ROBO2: variants seen among roughly 807,000 people sequenced by gnomAD.
The protein encoded by ROBO2 is roundabout guidance receptor 2.
Under a neutral mutation model 160.8 loss-of-function variants are expected in ROBO2, and 53 were observed. The observed-to-expected ratio is 0.33, with a 90% confidence interval of 0.26 to 0.41. The LOEUF (loss-of-function observed/expected upper bound fraction) is 0.41, where lower values mean the gene tolerates loss of function less well. Ranked by LOEUF, ROBO2 falls within the 10% of genes least tolerant of loss-of-function variation. The pLI, the probability that ROBO2 is intolerant of heterozygous loss-of-function variation, is 1.00. For missense variants in ROBO2, 1,577 were observed against 1,722.4 expected (o/e 0.92, Z 1.49); for synonymous variants, 664 against 611.7 (o/e 1.09, Z -1.26).
chr3:76,359,212 G>T (rs1193426147), intron 2 of ROBO2, among the ~76,000 whole-genome samples: 6 of 151,818 alleles, frequency 4.0e-5, no homozygotes, highest in Non-Finnish European at 7.4e-5. Context: ...TTGCTATTGT[G>T]AATAGTGCCG....
intron 2 of ROBO2, among the ~76,000 whole-genome samples, chr3:76,405,456 A>T (rs2078073933): frequency 1.3e-5 from 2 of 151,748 alleles, no homozygotes. Flanking sequence ...GACATTGCAG[A>T]AGAAGAGTAG....
intron 2 of ROBO2, among the ~76,000 whole-genome samples, chr3:77,221,343 A>C (rs1354207394): frequency 6.6e-6 from 1 of 152,202 alleles, no homozygotes; most frequent in African/African-American, 2.4e-5. Flanking sequence ...TTTATTTGAT[A>C]ACCTTTTGGT....
intron 2 of ROBO2, among the ~76,000 whole-genome samples, chr3:77,366,065 C>A (rs12491903): frequency 1.3e-5 from 2 of 152,102 alleles, no homozygotes; most frequent in African/African-American, 2.4e-5. Context: ...ATTGTTATAA[C>A]AACTGAAATG....
At chr3:76,790,870 T>C (rs1433359025) in intron 2 of ROBO2, among the ~76,000 whole-genome samples, 1 of 151,734 alleles carries the variant, frequency 6.6e-6, no homozygotes, top group South Asian at 2.1e-4. Flanking sequence ...TTCAGCCCTA[T>C]CACTTACTAC....
intron 2 of ROBO2, among the ~76,000 whole-genome samples, chr3:77,315,766 A>C (rs995087487): frequency 6.6e-6 from 1 of 152,224 alleles, no homozygotes; most frequent in African/African-American, 2.4e-5. Flanking sequence ...GACATTCAAC[A>C]AAGAAAGCTG....
chr3:76,304,023 T>C (rs2071201584), intron 2 of ROBO2, among the ~76,000 whole-genome samples: 1 of 152,190 alleles, frequency 6.6e-6, no homozygotes, highest in Non-Finnish European at 1.5e-5. Flanking sequence ...AAATAAGTGA[T>C]TTTTTTGTAT....
At chr3:76,043,642 A>G (rs1484097960) in intron 2 of ROBO2, among the ~76,000 whole-genome samples, 2 of 150,560 alleles carry the variant, frequency 1.3e-5, no homozygotes, top group Non-Finnish European at 3.0e-5. Flanking sequence ...AAAAAAAAAA[A>G]AAAACCACAC....
At chr3:75,925,265 C>T (rs1401297925) in intron 1 of ROBO2, among the ~76,000 whole-genome samples, 2 of 151,704 alleles carry the variant, frequency 1.3e-5, no homozygotes, top group Admixed American at 6.6e-5. Context: ...TGGTGGCTGG[C>T]GCCTGTCGTC....
chr3:76,407,460 A>T (rs1417467787), intron 2 of ROBO2, among the ~76,000 whole-genome samples: 1 of 148,090 alleles, frequency 6.8e-6, no homozygotes, highest in Non-Finnish European at 1.5e-5. Flanking sequence ...ACACATAATA[A>T]AAGTCAACAT....
chr3:77,014,796 A>G (rs968217132), intron 2 of ROBO2, among the ~76,000 whole-genome samples: 1 of 150,494 alleles, frequency 6.6e-6, no homozygotes, highest in Non-Finnish European at 1.5e-5. Context: ...GAGAGAGAGA[A>G]AGAAAGCCAG....
chr3:76,583,423 C>T (rs143424445), intron 2 of ROBO2, among the ~76,000 whole-genome samples: 135 of 152,214 alleles, frequency 8.9e-4, no homozygotes, highest in African/African-American at 3.0e-3. Context: ...AAACACTTTC[C>T]GGAACATTCT....
At chr3:76,647,797 G>A (rs916810945) in intron 2 of ROBO2, among the ~76,000 whole-genome samples, 2 of 152,066 alleles carry the variant, frequency 1.3e-5, no homozygotes, top group Non-Finnish European at 2.9e-5. Flanking sequence ...AAAAAATGGG[G>A]GAAAGAAGAT....
rs140727678 is a variant in ROBO2, at chr3:76,251,080, G to A, written c.109+313478G>A. 6.0e-3 allele frequency among the ~76,000 whole-genome samples: 909 copies of A among 152,044 alleles called. 3 individuals are homozygous for A. Among genetic ancestry groups the A allele is most frequent in the Non-Finnish European group, 0.011 (717 of 67,942 alleles). On this transcript the variant is annotated intron_variant, in intron 2 of 26. Transcript: ENST00000487694. The stretch of plus-strand genomic sequence containing the variant: ...GGCACAATATGATGACTGAAGAAAC[G>A]CATTCTTATCAGTGGCACCCTTCCT...
chr3:77,460,627 A>AT (rs1488911452), intron 2 of ROBO2, among the ~76,000 whole-genome samples: 4 of 152,198 alleles, frequency 2.6e-5, no homozygotes, highest in Non-Finnish European at 4.4e-5. Flanking sequence ...AAGGTAAAAA[A>AT]CACACATTTA....
intron 4 of ROBO2, among the ~76,000 whole-genome samples, chr3:77,485,299 T>C (rs1440615659): frequency 2.6e-5 from 4 of 152,122 alleles, no homozygotes; most frequent in Non-Finnish European, 5.9e-5. Flanking sequence ...AGTTAGGGAA[T>C]TTGACTGAAA....
chr3:77,539,091 T>C (rs1449683976), intron 6 of ROBO2, among the ~76,000 whole-genome samples: 1 of 152,074 alleles, frequency 6.6e-6, no homozygotes, highest in Non-Finnish European at 1.5e-5. Flanking sequence ...CTAATTTGTT[T>C]TGTATTTTAG....
chr3:76,913,495 A>G (rs951186158), intron 2 of ROBO2, among the ~76,000 whole-genome samples: 1 of 152,198 alleles, frequency 6.6e-6, no homozygotes, highest in Non-Finnish European at 1.5e-5. Flanking sequence ...TGTTATTTCT[A>G]TGTATTATTC....
intron 8 of ROBO2, among the ~76,000 whole-genome samples, chr3:77,557,311 T>C (rs1238282202): frequency 6.6e-6 from 1 of 151,938 alleles, no homozygotes; most frequent in East Asian, 1.9e-4. Context: ...CTTTGATCAA[T>C]TATAAGCACT....
chr3:77,429,614 T>G (rs947738900), intron 2 of ROBO2, among the ~76,000 whole-genome samples: 1 of 21,232 alleles, frequency 4.7e-5, no homozygotes, highest in East Asian at 1.4e-3. Context: ...AAAGCAGGGT[T>G]TTTTTTTTTT....
Sources: allele counts gnomAD v4.1 joint callset (sites outside exome capture counted in the v4.1 genomes callset), GRCh38; gene constraint gnomAD v4.1.1; transcripts MANE v1.5; gene names NCBI Gene and HGNC (gene_info 2026-07-23, HGNC 2026-07-21).